The following LRFN5 variants were observed in gnomAD, a reference collection of about 807,000 sequenced individuals.
LRFN5 encodes the protein leucine-rich repeat and fibronectin type-III domain-containing protein 5.
In LRFN5, 24 loss-of-function variants were observed where a neutral mutation model predicts 45.6. The ratio of observed to expected loss-of-function variants is 0.53; its 90% CI spans 0.38 to 0.74. The LOEUF is 0.74. LRFN5 is among the 30% of genes least tolerant of loss of function. LRFN5 has a pLI of 0.00. For synonymous variants in LRFN5, 340 were observed against 313.8 expected, an observed-to-expected ratio of 1.08 and a Z score of -0.88; for missense variants, 776 against 861.5, an observed-to-expected ratio of 0.90 and a Z score of 1.24.
intron 1 of LRFN5, among the ~76,000 whole-genome samples, chr14:41,609,900 T>G (rs1391036705): frequency 6.6e-6 from 1 of 152,192 alleles, no homozygotes; most frequent in African/African-American, 2.4e-5. Flanking sequence ...GATATCCATA[T>G]GATGGCATTT....
chr14:41,715,287 T>A (rs1291800596), intron 1 of LRFN5, among the ~76,000 whole-genome samples: 1 of 152,206 alleles, frequency 6.6e-6, no homozygotes, highest in Non-Finnish European at 1.5e-5. Flanking sequence ...ATTTTTGATC[T>A]TATATCCTTC....
chr14:41,734,598 C>CT (rs143405635), intron 1 of LRFN5, among the ~76,000 whole-genome samples: 6,739 of 148,468 alleles, frequency 0.045, 335 homozygotes, highest in African/African-American at 0.12. Context: ...GGAGTCTTGT[C>CT]TTTTTTTTTA....
chr14:41,696,923 A>G (rs1404970836), intron 1 of LRFN5, among the ~76,000 whole-genome samples: 1 of 151,926 alleles, frequency 6.6e-6, no homozygotes, highest in East Asian at 1.9e-4. Context: ...TTGTTTTCTA[A>G]TGACATGCCT....
At chr14:41,891,109 G>A (rs1890763585) in intron 3 of LRFN5, 141 bp from the exon 4 acceptor site, 1 of 711,244 alleles carries the variant, frequency 1.4e-6, no homozygotes, top group Non-Finnish European at 2.3e-6. Flanking sequence ...GTAAATATGA[G>A]ATTAGATCAT....
chr14:41,631,243 ACT>A (rs3032223), intron 1 of LRFN5, among the ~76,000 whole-genome samples: 6,044 of 151,748 alleles, frequency 0.04, 368 homozygotes, highest in East Asian at 0.28. Context: ...GCTTCCACAG[ACT>A]CTATTTTATT....
At chr14:41,656,486 T>C (rs529334546) in intron 1 of LRFN5, among the ~76,000 whole-genome samples, 13 of 152,076 alleles carry the variant, frequency 8.5e-5, no homozygotes, top group Admixed American at 7.2e-4. Context: ...ATCAGCTTTA[T>C]TGAGCCACTT....
intron 2 of LRFN5, among the ~76,000 whole-genome samples, chr14:41,777,575 A>T (rs1428322196): frequency 6.6e-6 from 1 of 151,812 alleles, no homozygotes; most frequent in Non-Finnish European, 1.5e-5. Context: ...TTGTAGTTAT[A>T]ATATCTATGA....
chr14:41,648,858 A>C (rs1390874289), intron 1 of LRFN5, among the ~76,000 whole-genome samples: 1 of 152,160 alleles, frequency 6.6e-6, no homozygotes, highest in African/African-American at 2.4e-5. Flanking sequence ...AAAAATTATT[A>C]TAGAAATAAT....
intron 1 of LRFN5, among the ~76,000 whole-genome samples, chr14:41,706,855 A>G (rs1333194356): frequency 6.6e-6 from 1 of 152,216 alleles, no homozygotes; most frequent in Non-Finnish European, 1.5e-5. Context: ...TCTAGATGTT[A>G]GCAGTGCCTA....
chr14:41,792,055 A>G (rs1886941080), intron 2 of LRFN5, among the ~76,000 whole-genome samples: 1 of 152,060 alleles, frequency 6.6e-6, no homozygotes, highest in Non-Finnish European at 1.5e-5. Flanking sequence ...CTTCTAAGAA[A>G]TAAAGAGAAA....
chr14:41,781,598 A>AAG (rs1198224048), intron 2 of LRFN5, among the ~76,000 whole-genome samples: 6 of 91,108 alleles, frequency 6.6e-5, no homozygotes, highest in Non-Finnish European at 1.3e-4. Context: ...GAAAGAAAGA[A>AAG]AGAAAGAAAG....
chr14:41,886,015 G>A (rs1232865947), intron 2 of LRFN5, among the ~76,000 whole-genome samples: 9 of 55,076 alleles, frequency 1.6e-4, no homozygotes, highest in African/African-American at 4.5e-4. Context: ...AGCAAGGCTC[G>A]TCTCAAAAAA....
intron 2 of LRFN5, among the ~76,000 whole-genome samples, chr14:41,856,783 T>C (rs1248960813): frequency 7.0e-6 from 1 of 142,580 alleles, no homozygotes; most frequent in Non-Finnish European, 1.5e-5. Context: ...TTCACGCCAT[T>C]CTCCTGCCTC....
intron 2 of LRFN5, among the ~76,000 whole-genome samples, chr14:41,846,233 G>GCACA (rs1217728815): frequency 4.6e-5 from 4 of 87,796 alleles, no homozygotes; most frequent in Non-Finnish European, 9.5e-5. Flanking sequence ...ACACACACAC[G>GCACA]CACACACACA....
intron 1 of LRFN5, among the ~76,000 whole-genome samples, chr14:41,671,190 A>G (rs1205247547): frequency 6.6e-6 from 1 of 152,130 alleles, no homozygotes; most frequent in Non-Finnish European, 1.5e-5. Flanking sequence ...TAATATTATC[A>G]AGGCATTTTA....
chr14:41,717,789 TC>T lies in LRFN5; in HGVS notation c.-196-49063del, dbSNP rs1460785012. Among the ~76,000 whole-genome samples, 5 of 152,268 alleles carry T rather than the reference TC, an allele frequency of 3.3e-5. No homozygotes were observed. The East Asian group carries it at 9.7e-4, about 29-fold the overall frequency. The stretch of plus-strand genomic sequence containing the variant: ...AGGTAAATTCTCTCAATCTCAGCAG[TC>T]CTACAAATTTCCCCAAAAAGGGAAG... On this transcript the variant is annotated intron_variant, in intron 1 of 5. Coordinates refer to ENST00000298119, the MANE Select transcript of LRFN5 (RefSeq NM_152447.5).
intron 1 of LRFN5, among the ~76,000 whole-genome samples, chr14:41,685,611 G>C (rs931862561): frequency 5.3e-5 from 8 of 152,114 alleles, no homozygotes; most frequent in Non-Finnish European, 1.0e-4. Flanking sequence ...TTACATACAG[G>C]TCTCTAATCC....
chr14:41,655,178 G>C lies in LRFN5; in HGVS notation c.-197+46616G>C, dbSNP rs556242411. On this transcript the variant is annotated intron_variant, in intron 1 of 5. Transcript: ENST00000298119. Reference sequence around the variant, plus strand: ...AGCTTCCATTGGTGTAGGGGAGATAGACTCCCCTCCTCTCCAAACAAGCAA... The same window carrying C: ...AGCTTCCATTGGTGTAGGGGAGATACACTCCCCTCCTCTCCAAACAAGCAA... Among the ~76,000 whole-genome samples, 65 of 152,088 alleles carry C rather than the reference G, an allele frequency of 4.3e-4. 2 individuals carry two copies. The South Asian group carries it at 0.013, about 31-fold the overall frequency.
At chr14:41,695,943 C>A (rs1882591429) in intron 1 of LRFN5, among the ~76,000 whole-genome samples, 1 of 151,870 alleles carries the variant, frequency 6.6e-6, no homozygotes, top group South Asian at 2.1e-4. Flanking sequence ...TCTGAGGGAT[C>A]TGGGCAAAGT....
Sources: gnomAD v4.1 joint callset for allele counts (sites outside exome capture counted in the v4.1 genomes callset) on GRCh38, gnomAD v4.1.1 for gene constraint, MANE v1.5 for transcripts, NCBI Gene and HGNC (gene_info 2026-07-23, HGNC 2026-07-21) for gene names.